SKA2: variants seen among roughly 807,000 people sequenced by gnomAD.
The protein encoded by SKA2 is spindle and kinetochore associated complex subunit 2.
A neutral mutation model predicts 16.9 loss-of-function variants in SKA2; 13 were observed. The ratio of observed to expected loss-of-function variants is 0.77; its 90% CI spans 0.50 to 1.22. The LOEUF (loss-of-function observed/expected upper bound fraction) is 1.22, where lower values mean the gene tolerates loss of function less well. SKA2 is among the 50% of genes most tolerant of loss of function. The pLI, the probability that SKA2 is intolerant of heterozygous loss-of-function variation, is 0.00. For missense variants in SKA2, 107 were observed against 139.7 expected (o/e 0.77, Z 1.18); for synonymous variants, 47 against 48.5 (o/e 0.97, Z 0.13).
chr17:59,117,662 T>C (rs1229741912), intron 3 of SKA2, among the ~76,000 whole-genome samples: 2 of 151,940 alleles, frequency 1.3e-5, no homozygotes, highest in Non-Finnish European at 2.9e-5. Flanking sequence ...TGGCCTCAAC[T>C]GATCCTCCTG....
intron 1 of SKA2, chr17:59,151,368 C>A (rs997383333): frequency 7.5e-6 from 3 of 398,806 alleles, no homozygotes; most frequent in African/African-American, 2.1e-5. Flanking sequence ...AAGGATAAGA[C>A]TTAAATATCA....
chr17:59,112,795 C>T (rs1223940938), intron 3 of SKA2, among the ~76,000 whole-genome samples: 1 of 152,038 alleles, frequency 6.6e-6, no homozygotes, highest in Non-Finnish European at 1.5e-5. Context: ...TACTTATATA[C>T]CTAATACAAT....
At chr17:59,143,573 C>T (rs2046508880) in intron 1 of SKA2, among the ~76,000 whole-genome samples, 1 of 151,948 alleles carries the variant, frequency 6.6e-6, no homozygotes, top group African/African-American at 2.4e-5. Flanking sequence ...AGGGTTTCAC[C>T]ATGTTGGCCA....
Position 59,131,303 on chromosome 17 carries a change from T to C in SKA2, c.98A>G (p.Asn33Ser). 6.3e-7 allele frequency: 1 copy of C among 1,581,700 alleles called. No homozygotes were observed. Among genetic ancestry groups the C allele is most frequent in the Non-Finnish European group, 8.6e-7 (1 of 1,161,678 alleles). Residue 33 changes from asparagine (N) to serine (S), a missense_variant, in exon 2 of 4, where the codon AAT (asparagine) becomes AGT (serine). Transcript: ENST00000330137. Reference sequence around the variant, plus strand: ...TACCTCACTTGCTGAATCAGGATGATTAGTCTTGATTTCATATTCCAGCCT... The same window carrying C: ...TACCTCACTTGCTGAATCAGGATGACTAGTCTTGATTTCATATTCCAGCCT... Reference protein sequence around the residue: ...QYRLEYEIKTNHPDSASEKNP... With the variant: ...QYRLEYEIKTSHPDSASEKNP...
intron 2 of SKA2, chr17:59,129,193 A>C (rs1038536447): frequency 6.6e-6 from 1 of 152,362 alleles, no homozygotes; most frequent in East Asian, 1.9e-4. Flanking sequence ...CACTAAAAAT[A>C]CAAAAATTAG....
chr17:59,112,327 C>T lies in SKA2; in HGVS notation c.316G>A (p.Glu106Lys). 3 of 1,610,754 alleles carry T rather than the reference C, an allele frequency of 1.9e-6. No homozygotes were observed. The highest frequency in any genetic ancestry group is 2.5e-6 in the Non-Finnish European group (3 of 1,179,348). Residue 106 changes from glutamate to lysine, a missense_variant, in exon 4 of 4, where the codon GAA becomes AAA. Transcript: ENST00000330137. Reference sequence around the variant, plus strand: ...AATTGCTCTGCCGCAGTTTTCTCTTCTTTAGTCAGTGGTGACAGCTAGAAA... The same window carrying T: ...AATTGCTCTGCCGCAGTTTTCTCTTTTTTAGTCAGTGGTGACAGCTAGAAA... ...TDLELSPLTK[E>K]EKTAAEQFKF...
chr17:59,139,058 A>C (rs1186884279), intron 1 of SKA2, among the ~76,000 whole-genome samples: 2 of 152,164 alleles, frequency 1.3e-5, no homozygotes, highest in African/African-American at 4.8e-5. Context: ...GGCATAGAGA[A>C]GAGTTGGTAG....
chr17:59,149,349 A>C (rs1253025691), intron 1 of SKA2, among the ~76,000 whole-genome samples: 2 of 152,038 alleles, frequency 1.3e-5, no homozygotes, highest in African/African-American at 4.8e-5. Flanking sequence ...CTCTACAAAA[A>C]AATTTTTCAA....
intron 2 of SKA2, among the ~76,000 whole-genome samples, chr17:59,122,176 T>C (rs183465840): frequency 8.5e-5 from 13 of 152,188 alleles, no homozygotes; most frequent in Non-Finnish European, 1.5e-4. Context: ...GAAAAGTATA[T>C]AGAAAAACTA....
intron 2 of SKA2, among the ~76,000 whole-genome samples, chr17:59,128,120 C>T (rs568274122): frequency 1.3e-5 from 2 of 151,484 alleles, no homozygotes; most frequent in East Asian, 3.9e-4. Context: ...GAGGCTGAGG[C>T]AGGAGAATCG....
chr17:59,141,751 T>C (rs1206960108), intron 1 of SKA2, among the ~76,000 whole-genome samples: 2 of 147,946 alleles, frequency 1.4e-5, no homozygotes, highest in Non-Finnish European at 3.0e-5. Context: ...AAAGAGAGCC[T>C]AGGCATACTT....
At chr17:59,147,377 G>GACACAGAC (rs71367670) in intron 1 of SKA2, among the ~76,000 whole-genome samples, 17 of 138,134 alleles carry the variant, frequency 1.2e-4, no homozygotes, top group Non-Finnish European at 2.5e-4. Flanking sequence ...TTATATATAA[G>GACACAGAC]ACACACACAC....
At chr17:59,149,433 G>A (rs913314738) in intron 1 of SKA2, among the ~76,000 whole-genome samples, 3 of 152,024 alleles carry the variant, frequency 2.0e-5, no homozygotes, top group South Asian at 2.1e-4. Context: ...TTGAGCCTAG[G>A]AGTTTGATGG....
At chr17:59,128,145 G>T (rs983056435) in intron 2 of SKA2, among the ~76,000 whole-genome samples, 2 of 151,846 alleles carry the variant, frequency 1.3e-5, no homozygotes, top group Non-Finnish European at 2.9e-5. Context: ...AACCCAGGAG[G>T]CGGAGGTTGC....
chr17:59,116,920 C>T (rs1048512120), intron 3 of SKA2, among the ~76,000 whole-genome samples: 2 of 147,582 alleles, frequency 1.4e-5, no homozygotes, highest in Non-Finnish European at 3.0e-5. Context: ...CAGGTTCAAG[C>T]GATTCCCGTC....
chr17:59,131,657 A>C (rs984331253), intron 1 of SKA2, among the ~76,000 whole-genome samples: 4 of 152,210 alleles, frequency 2.6e-5, no homozygotes, highest in Non-Finnish European at 4.4e-5. Context: ...TATTAATACA[A>C]AAAACTAATA....
At chr17:59,119,248 C>G in intron 3 of SKA2, 71 bp downstream of exon 3, 1 of 1,516,560 alleles carries the variant, frequency 6.6e-7, no homozygotes, top group Non-Finnish European at 8.9e-7. Context: ...TAAGTTACAT[C>G]AGGTTTATTT....
chr17:59,117,654 G>A (rs2046305875), intron 3 of SKA2, among the ~76,000 whole-genome samples: 1 of 150,688 alleles, frequency 6.6e-6, no homozygotes, highest in South Asian at 2.1e-4. Context: ...CAAACTCCTG[G>A]CCTCAACTGA....
chr17:59,129,626 G>C (rs2046396935), intron 2 of SKA2, among the ~76,000 whole-genome samples: 1 of 152,022 alleles, frequency 6.6e-6, no homozygotes, highest in African/African-American at 2.4e-5. Flanking sequence ...AGGAGGCTGA[G>C]GCGGGTGGAT....
Sources: gnomAD v4.1 joint callset for allele counts (sites outside exome capture counted in the v4.1 genomes callset) on GRCh38, gnomAD v4.1.1 for gene constraint, MANE v1.5 for transcripts, NCBI Gene and HGNC (gene_info 2026-07-23, HGNC 2026-07-21) for gene names.